The following SIK2 variants were observed in gnomAD, a reference collection of about 807,000 sequenced individuals.
SIK2 encodes serine/threonine-protein kinase SIK2.
A neutral mutation model predicts 103.2 loss-of-function variants in SIK2; 29 were observed. That is an observed-to-expected ratio of 0.28 (90% CI 0.21 to 0.38). SIK2 has a LOEUF of 0.38. SIK2 is among the 10% of genes least tolerant of loss of function. SIK2 has a pLI of 1.00. For missense variants in SIK2, 879 were observed against 1,171.0 expected (o/e 0.75, Z 3.64); for synonymous variants, 412 against 446.1 (o/e 0.92, Z 0.96).
intron 3 of SIK2, among the ~76,000 whole-genome samples, chr11:111,681,145 C>G (rs558901851): frequency 3.3e-5 from 5 of 152,278 alleles, no homozygotes; most frequent in African/African-American, 1.2e-4. Context: ...ATTATTCTTA[C>G]AAAAATTCTA....
At position 111,638,270 on chromosome 11, in the gene SIK2, G is replaced by C. The variant is rs151299347; in HGVS notation, c.316+17868G>C. On this transcript the variant is annotated intron_variant, in intron 3 of 14. Coordinates refer to ENST00000304987, the MANE Select transcript of SIK2 (RefSeq NM_015191.3). ...ACTGCACCTAGGGTTCTTAGGTCTG[G>C]AGACCCTTCATTTTAGTCTCTCCTT... Among the ~76,000 whole-genome samples the C allele has an allele frequency of 3.0e-3, 450 of 152,288 alleles. 1 individual carries two copies. Among genetic ancestry groups the C allele is most frequent in the African/African-American group, 0.01 (425 of 41,564 alleles).
At chr11:111,618,681 A>T (rs139742631) in intron 2 of SIK2, among the ~76,000 whole-genome samples, 15 of 152,296 alleles carry the variant, frequency 9.8e-5, no homozygotes, top group African/African-American at 2.4e-4. Flanking sequence ...CTAAAAATAA[A>T]TAATTAATTA....
At chr11:111,704,864 C>T in intron 7 of SIK2, 123 bp from the exon 8 acceptor site, 1 of 1,129,022 alleles carries the variant, frequency 8.9e-7, no homozygotes, top group Non-Finnish European at 1.2e-6. Context: ...CATCTTGAGA[C>T]ACTTTGTTTT....
chr11:111,672,870 T>C (rs1942648345), intron 3 of SIK2, among the ~76,000 whole-genome samples: 1 of 152,226 alleles, frequency 6.6e-6, no homozygotes, highest in Admixed American at 6.5e-5. Context: ...AAAATCTGGC[T>C]TTAACAAAAC....
chr11:111,657,626 C>T (rs934573786), intron 3 of SIK2, among the ~76,000 whole-genome samples: 31 of 152,154 alleles, frequency 2.0e-4, no homozygotes, highest in Non-Finnish European at 1.6e-4. Flanking sequence ...TGGCCTCAAG[C>T]GATCCGCCTG....
chr11:111,692,388 A>AAAAAAAAC (rs1942967737), intron 4 of SIK2, among the ~76,000 whole-genome samples: 1 of 110,916 alleles, frequency 9.0e-6, no homozygotes, highest in Non-Finnish European at 2.0e-5. Flanking sequence ...AAAAAAAAAA[A>AAAAAAAAC]CACAAAAAGG....
intron 4 of SIK2, among the ~76,000 whole-genome samples, chr11:111,692,374 A>C (rs1942964945): frequency 1.4e-5 from 2 of 141,174 alleles, no homozygotes; most frequent in Admixed American, 6.9e-5. Context: ...AAAAAAAAAA[A>C]AAAAAAAAAA....
chr11:111,722,422 C>G lies in SIK2; in HGVS notation c.2056-243C>G, dbSNP rs1943829280. On this transcript the variant is annotated intron_variant, in intron 13 of 14. Transcript: ENST00000304987. The surrounding 1 kb of genome is among the most constrained non-coding windows in gnomAD (Gnocchi z 4.4). ...CTCATTGCTTTTTAATGTCCATGAG[C>G]CTCACAGTCCTAGTGGACTTTTGGA... Among the ~76,000 whole-genome samples the G allele has an allele frequency of 6.6e-6, 1 of 152,230 alleles. No homozygotes were observed. Among genetic ancestry groups the G allele is most frequent in the East Asian group, 1.9e-4 (1 of 5,202 alleles).
At chr11:111,679,909 G>T (rs891650894) in intron 3 of SIK2, among the ~76,000 whole-genome samples, 3 of 151,612 alleles carry the variant, frequency 2.0e-5, no homozygotes, top group Non-Finnish European at 4.4e-5. Context: ...CGGATCACAA[G>T]GTCAGGAGTT....
chr11:111,650,538 C>T (rs1017534302), intron 3 of SIK2, among the ~76,000 whole-genome samples: 5 of 151,920 alleles, frequency 3.3e-5, no homozygotes, highest in East Asian at 1.9e-4. Flanking sequence ...AAATCTTTGA[C>T]GTAATTATTA....
rs758204655 is a variant in SIK2, at chr11:111,701,461, G to C, written c.613G>C (p.Val205Leu). ...TTGTTTTCTTCCCTAGAGTATGGGA[G>C]TTGTTCTTTATGTCCTTGTCTGTGG... ...GPQLDIWSMG[V>L]VLYVLVCGAL... Residue 205 changes from valine (V) to leucine (L), a missense_variant, in exon 6 of 15, where the codon GTT becomes CTT. Physicochemically the swap from Val to Leu is conservative, Grantham distance 32. Transcript: ENST00000304987. This position sits in a 1 kb window ranked among gnomAD's most constrained non-coding sequence, Gnocchi z 4.2. 6.2e-7 allele frequency: 1 copy of C among 1,613,716 alleles called. No homozygotes were observed. Among genetic ancestry groups the C allele is most frequent in the Non-Finnish European group, 8.5e-7 (1 of 1,179,728 alleles).
At chr11:111,621,432 A>G (rs1230573581) in intron 3 of SIK2, among the ~76,000 whole-genome samples, 2 of 152,144 alleles carry the variant, frequency 1.3e-5, no homozygotes, top group African/African-American at 4.8e-5. Flanking sequence ...ATCAACATAT[A>G]ATTTCTTTTT....
intron 3 of SIK2, among the ~76,000 whole-genome samples, chr11:111,673,656 C>T (rs558811694): frequency 6.6e-6 from 1 of 152,200 alleles, no homozygotes; most frequent in East Asian, 1.9e-4. Context: ...AACAAGTGCC[C>T]TCAGAATTTT....
At chr11:111,614,504 A>C (rs567089828) in intron 1 of SIK2, among the ~76,000 whole-genome samples, 17 of 152,342 alleles carry the variant, frequency 1.1e-4, no homozygotes, top group African/African-American at 3.6e-4. Context: ...TCTTATAATA[A>C]AGTAAACTAG....
In SIK2 at chr11:111,701,122, T is replaced by C. The variant is rs2135923405; in HGVS notation, c.603+112T>C. Reference sequence around the variant, plus strand: ...AACACATAAGCAGTATTTCATATTTTCCCCATCCACTGGACTATAATTACT... The same window carrying C: ...AACACATAAGCAGTATTTCATATTTCCCCCATCCACTGGACTATAATTACT... On this transcript the variant is annotated intron_variant, in intron 5 of 14. Transcript: ENST00000304987. The surrounding 1 kb of genome is among the most constrained non-coding windows in gnomAD (Gnocchi z 4.2). The C allele has an allele frequency of 4.4e-6, 6 of 1,377,392 alleles. No individual in the cohort carries two copies. Among genetic ancestry groups the C allele is most frequent in the Non-Finnish European group, 4.9e-6 (5 of 1,030,302 alleles). 85.3% of individuals were successfully genotyped at this position (1,377,392 alleles called of 1,614,324 possible). A position where few individuals can be genotyped will look rare whatever the true frequency, so the allele number is the denominator to read the frequency against.
At chr11:111,690,779 G>A (rs1009700323) in intron 4 of SIK2, among the ~76,000 whole-genome samples, 3 of 152,148 alleles carry the variant, frequency 2.0e-5, no homozygotes, top group African/African-American at 7.2e-5. Flanking sequence ...CCCTGCAAAG[G>A]ACATGAACTC....
intron 3 of SIK2, among the ~76,000 whole-genome samples, chr11:111,631,594 G>A (rs1591594731): frequency 6.6e-6 from 1 of 152,130 alleles, no homozygotes; most frequent in South Asian, 2.1e-4. Context: ...AATAATAGAA[G>A]AGTGGAGAGA....
chr11:111,672,289 G>C, intron 3 of SIK2: 1 of 408,194 alleles, frequency 2.4e-6, no homozygotes, highest in Non-Finnish European at 4.5e-6. Flanking sequence ...TGCCCACCAG[G>C]AGAAGCTCAA....
chr11:111,648,232 C>T (rs1482994206), intron 3 of SIK2, among the ~76,000 whole-genome samples: 1 of 152,006 alleles, frequency 6.6e-6, no homozygotes, highest in African/African-American at 2.4e-5. Flanking sequence ...CTATTTAAAG[C>T]AGTTTATTTT....
Sources: allele counts gnomAD v4.1 joint callset (sites outside exome capture counted in the v4.1 genomes callset), GRCh38; gene constraint gnomAD v4.1.1; non-coding constraint Gnocchi (gnomAD v3.1); transcripts MANE v1.5; gene names NCBI Gene and HGNC (gene_info 2026-07-23, HGNC 2026-07-21).